RCAN3: variants seen among roughly 807,000 people sequenced by gnomAD.
The protein encoded by RCAN3 is calcipressin-3.
A neutral mutation model predicts 21.9 loss-of-function variants in RCAN3; 19 were observed. That is an observed-to-expected ratio of 0.87 (90% CI 0.61 to 1.27). The LOEUF is 1.27. Ranked by LOEUF, RCAN3 falls within the 50% of genes most tolerant of loss-of-function variation. RCAN3 has a pLI of 0.00. For missense variants in RCAN3, 240 were observed against 300.1 expected (o/e 0.80, Z 1.48); for synonymous variants, 114 against 112.3 (o/e 1.01, Z -0.09).
chr1:24,516,880 A>G (rs1648364693), intron 2 of RCAN3, among the ~76,000 whole-genome samples: 1 of 152,072 alleles, frequency 6.6e-6, no homozygotes, highest in South Asian at 2.1e-4. Flanking sequence ...TACAAATGCT[A>G]TTTGCTTTCC....
chr1:24,512,121 G>A (rs575783686), intron 1 of RCAN3, among the ~76,000 whole-genome samples: 16 of 152,166 alleles, frequency 1.1e-4, no homozygotes, highest in African/African-American at 3.1e-4. Flanking sequence ...AGGCCGAGGC[G>A]GGCGGATAAC....
At chr1:24,521,906 G>C (rs976684166) in intron 2 of RCAN3, among the ~76,000 whole-genome samples, 2 of 109,710 alleles carry the variant, frequency 1.8e-5, no homozygotes, top group Non-Finnish European at 4.1e-5. Flanking sequence ...TGGTTGCTGG[G>C]GGGGGTGGGG....
At position 24,523,253 on chromosome 1, in the gene RCAN3, C is replaced by T. The variant is rs896426449; in HGVS notation, c.196-7965C>T. On this transcript the variant is annotated intron_variant, in intron 2 of 4. Transcript: ENST00000374395. ...TAATTTTTTGTATTTTTAGTGGAGACGGGGCTTCACCATGTTGGCCAGGCT... is the reference window on the plus strand; with the variant it reads ...TAATTTTTTGTATTTTTAGTGGAGATGGGGCTTCACCATGTTGGCCAGGCT... Among the ~76,000 whole-genome samples, 4 of 151,910 alleles carry T rather than the reference C, an allele frequency of 2.6e-5. No homozygotes were observed. In the East Asian group the frequency reaches 5.8e-4, roughly 22 times the overall value.
At chr1:24,523,342 A>G (rs1648972868) in intron 2 of RCAN3, among the ~76,000 whole-genome samples, 2 of 151,512 alleles carry the variant, frequency 1.3e-5, no homozygotes, top group South Asian at 4.2e-4. Context: ...TGGGATTTTA[A>G]ATTATCTGTA....
chr1:24,510,579 C>T (rs1236447326), intron 1 of RCAN3, among the ~76,000 whole-genome samples: 1 of 152,204 alleles, frequency 6.6e-6, no homozygotes, highest in Non-Finnish European at 1.5e-5. Context: ...AGAGTTAGGG[C>T]CTTGCTCTGG....
chr1:24,530,424 TAAGCAAAAA>T (rs148876708), intron 2 of RCAN3, among the ~76,000 whole-genome samples: 2,005 of 146,594 alleles, frequency 0.014, 42 homozygotes, highest in African/African-American at 0.046. Flanking sequence ...GAGCAAGATC[TAAGCAAAAA>T]AAGCAAGTTG....
chr1:24,529,550 C>CTTTTTT (rs35257073), intron 2 of RCAN3, among the ~76,000 whole-genome samples: 5 of 89,540 alleles, frequency 5.6e-5, no homozygotes, highest in Non-Finnish European at 1.1e-4. Context: ...CTCTGTCTCT[C>CTTTTTT]TTTTTTTTTT....
In RCAN3 at chr1:24,535,203, A is replaced by C; in HGVS notation, c.652A>C (p.Ile218Leu). The C allele has an allele frequency of 6.3e-7, 1 of 1,593,610 alleles. No homozygotes were observed. Among genetic ancestry groups the C allele is most frequent in the South Asian group, 1.1e-5 (1 of 88,046 alleles). Residue 218 changes from isoleucine (I) to leucine (L), a missense_variant, in exon 5 of 5, where the codon ATT (isoleucine) becomes CTT (leucine). Coordinates refer to ENST00000374395, the MANE Select transcript of RCAN3 (RefSeq NM_013441.4). ...AGAGACAAAAAACCCCAAACAGAAA[A>C]TTGCCCAGACGAGGCGCCCCGACCC... Reference protein sequence around the residue: ...EEETKNPKQKIAQTRRPDPPT... With the variant: ...EEETKNPKQKLAQTRRPDPPT...
At chr1:24,509,267 T>G (rs1225213869) in intron 1 of RCAN3, among the ~76,000 whole-genome samples, 1 of 152,218 alleles carries the variant, frequency 6.6e-6, no homozygotes, top group Non-Finnish European at 1.5e-5. Context: ...TGCTGTAGTT[T>G]GGGGTGACTG....
chr1:24,517,138 T>C (rs979421982), intron 2 of RCAN3, among the ~76,000 whole-genome samples: 12 of 151,666 alleles, frequency 7.9e-5, no homozygotes, highest in Non-Finnish European at 1.3e-4. Context: ...ATGGAGTCCT[T>C]CTCTGCCTCC....
At chr1:24,507,297 A>G (rs1451575365) in intron 1 of RCAN3, among the ~76,000 whole-genome samples, 3 of 152,106 alleles carry the variant, frequency 2.0e-5, no homozygotes, top group African/African-American at 7.2e-5. Context: ...TTTGTGTGGA[A>G]TGCTCCCCAT....
At position 24,537,282 on chromosome 1, in the gene RCAN3, A is replaced by C. The variant is rs1422156464; in HGVS notation, c.*2005A>C. 6.6e-6 allele frequency: 1 copy of C among 151,756 alleles called. No individual in the cohort carries two copies. The highest frequency in any genetic ancestry group is 2.4e-5 in the African/African-American group (1 of 41,250). The allele number at this position is 151,756 out of a possible 1,614,324, so 9.4% of individuals were successfully genotyped here. ...AGTGCTTTTCTATTTTTTTTTTGAG[A>C]GCCTTGAATAAATTGAAGAAAACTT... On this transcript the variant is annotated 3_prime_UTR_variant, in exon 5 of 5. Coordinates refer to ENST00000374395, the MANE Select transcript of RCAN3 (RefSeq NM_013441.4).
At chr1:24,511,078 C>T (rs1438141160) in intron 1 of RCAN3, among the ~76,000 whole-genome samples, 6 of 152,064 alleles carry the variant, frequency 3.9e-5, no homozygotes, top group Admixed American at 2.0e-4. Flanking sequence ...CTTTGGGAGG[C>T]CGAGGTGGGC....
chr1:24,536,426 T>C lies in RCAN3; in HGVS notation c.*1149T>C, dbSNP rs765238556. The stretch of plus-strand genomic sequence containing the variant: ...GTTGGCACTTTTCCTAAAACAGAAT[T>C]GTTTCCCACTTAGGTGTCAGAATGT... On this transcript the variant is annotated 3_prime_UTR_variant, in exon 5 of 5. Transcript: ENST00000374395. 2 of 152,248 alleles carry C rather than the reference T, an allele frequency of 1.3e-5. No individual in the cohort carries two copies. The highest frequency in any genetic ancestry group is 2.4e-5 in the African/African-American group (1 of 41,458). 9.4% of individuals were successfully genotyped at this position (152,248 alleles called of 1,614,324 possible).
chr1:24,523,648 A>ATATATTTTT (rs113786883), intron 2 of RCAN3, among the ~76,000 whole-genome samples: 1 of 139,706 alleles, frequency 7.2e-6, no homozygotes, highest in African/African-American at 3.1e-5. Flanking sequence ...ACACATATAT[A>ATATATTTTT]TTTTTTTTCT....
At chr1:24,504,083 C>G (rs889657368) in intron 1 of RCAN3, among the ~76,000 whole-genome samples, 2 of 152,210 alleles carry the variant, frequency 1.3e-5, no homozygotes, top group African/African-American at 4.8e-5. Context: ...GGCTTTCCAT[C>G]CAGGAAGACT....
At position 24,514,232 on chromosome 1, in the gene RCAN3, A is replaced by G. The variant is rs937540080; in HGVS notation, c.-59-82A>G. The stretch of plus-strand genomic sequence containing the variant: ...TAAATAAAATTGCTTCATTTGATGA[A>G]TTGCAGCCTGGAGACATTGATTGAT... On this transcript the variant is annotated intron_variant, in intron 1 of 4. Transcript: ENST00000374395. 8 of 607,714 alleles carry G rather than the reference A, an allele frequency of 1.3e-5. No homozygotes were observed. In the African/African-American group the frequency reaches 1.3e-4, roughly 10 times the overall value. The allele number at this position is 607,714 out of a possible 1,614,324, so 37.6% of individuals were successfully genotyped here.
At chr1:24,515,666 C>T (rs1391232461) in intron 2 of RCAN3, among the ~76,000 whole-genome samples, 3 of 152,212 alleles carry the variant, frequency 2.0e-5, no homozygotes, top group African/African-American at 2.4e-5. Context: ...ACTTCAATAC[C>T]GTTTAACTCA....
Position 24,538,006 on chromosome 1 carries a change from T to C in RCAN3, c.*2729T>C, listed in dbSNP as rs1436583717. 3.3e-5 allele frequency: 5 copies of C among 152,212 alleles called. No individual in the cohort carries two copies. Among genetic ancestry groups the C allele is most frequent in the Admixed American group, 3.3e-4 (5 of 15,286 alleles). 9.4% of individuals were successfully genotyped at this position (152,212 alleles called of 1,614,324 possible). ...CTATGTTGAAAATTGTGAGGAAAGATAATGGTGCTTTGTGTTGGGAAAAAA... is the reference window on the plus strand; with the variant it reads ...CTATGTTGAAAATTGTGAGGAAAGACAATGGTGCTTTGTGTTGGGAAAAAA... On this transcript the variant is annotated 3_prime_UTR_variant, in exon 5 of 5. Transcript: ENST00000374395.
Sources: gnomAD v4.1 joint callset for allele counts (sites outside exome capture counted in the v4.1 genomes callset) on GRCh38, gnomAD v4.1.1 for gene constraint, MANE v1.5 for transcripts, NCBI Gene and HGNC (gene_info 2026-07-23, HGNC 2026-07-21) for gene names.